The following CCNY variants were observed in gnomAD, a reference collection of about 807,000 sequenced individuals.
The protein encoded by CCNY is cyclin-Y.
A neutral mutation model predicts 42.8 loss-of-function variants in CCNY; 19 were observed. The ratio of observed to expected loss-of-function variants is 0.44; its 90% confidence interval spans 0.31 to 0.65. CCNY has a LOEUF of 0.65. Among genes scored for constraint, CCNY ranks in the 30% least tolerant of loss-of-function variants. The pLI is 0.07. For synonymous variants in CCNY, 165 were observed against 162.7 expected (o/e 1.01, Z -0.11); for missense variants, 370 against 437.3 (o/e 0.85, Z 1.37).
intron 8 of CCNY, among the ~76,000 whole-genome samples, chr10:35,560,008 A>G (rs1325247852): frequency 2.1e-5 from 3 of 145,802 alleles, no homozygotes; most frequent in East Asian, 1.9e-4. Context: ...TTTTGGAAGG[A>G]AAGGGGATGC....
At chr10:35,541,312 TATA>T (rs1213149143) in intron 7 of CCNY, among the ~76,000 whole-genome samples, 1 of 152,182 alleles carries the variant, frequency 6.6e-6, no homozygotes, top group Non-Finnish European at 1.5e-5. Flanking sequence ...TTTTAACATC[TATA>T]ATATTATAAA....
intron 4 of CCNY, among the ~76,000 whole-genome samples, chr10:35,517,862 T>A (rs1353480027): frequency 6.6e-6 from 1 of 152,094 alleles, no homozygotes; most frequent in Non-Finnish European, 1.5e-5. Flanking sequence ...TGAGGGGAAA[T>A]GGGGTGTGCA....
At chr10:35,447,073 C>T (rs1027840830) in intron 1 of CCNY, among the ~76,000 whole-genome samples, 4 of 152,110 alleles carry the variant, frequency 2.6e-5, no homozygotes, top group Non-Finnish European at 4.4e-5. Flanking sequence ...GTCAGGAGAT[C>T]GAGACCATCC....
At chr10:35,251,136 C>T (rs1046765521) in intron 3 of CCNY, 3 of 152,132 alleles carry the variant, frequency 2.0e-5, no homozygotes, top group African/African-American at 7.2e-5. Flanking sequence ...GTAGCTCACA[C>T]CTGAAATCTC....
rs542674942 is a variant in CCNY, at chr10:35,559,649, G to A, written c.747-6374G>A. Among the ~76,000 whole-genome samples the A allele has an allele frequency of 2.0e-5, 3 of 152,314 alleles. No individual in the cohort carries two copies. In the East Asian group the frequency reaches 5.8e-4, roughly 29 times the overall value. ...AAGCGCTGCCGGCTTGCACCAAAGGGCCCAGAGACAGGACAGGTGAAGCAA... is the reference window on the plus strand; with the variant it reads ...AAGCGCTGCCGGCTTGCACCAAAGGACCCAGAGACAGGACAGGTGAAGCAA... On this transcript the variant is annotated intron_variant, in intron 8 of 9. Transcript: ENST00000374704.
At chr10:35,394,867 CT>C (rs1362945445) in intron 1 of CCNY, 1 of 984,348 alleles carries the variant, frequency 1.0e-6, no homozygotes, top group Non-Finnish European at 1.2e-6. Context: ...GGGCCCTCTC[CT>C]TCTGAATACT....
chr10:35,267,244 G>A lies in CCNY; in HGVS notation c.-9+16618G>A, dbSNP rs149470846. On this transcript the variant is annotated intron_variant, in intron 3 of 11. Transcript: ENST00000374706. Reference sequence around the variant, plus strand: ...GATCACTTGAGCCCAGGAGTTTGCGGTTGCAGTGAGCTATCATTGTGCCAT... The same window carrying A: ...GATCACTTGAGCCCAGGAGTTTGCGATTGCAGTGAGCTATCATTGTGCCAT... Among the ~76,000 whole-genome samples the A allele has an allele frequency of 2.8e-3, 422 of 151,576 alleles. 14 individuals are homozygous for A. The East Asian group carries it at 0.065, about 24-fold the overall frequency.
At position 35,307,774 on chromosome 10, in the gene CCNY, G is replaced by A. The variant is rs979162328; in HGVS notation, c.-9+57148G>A. On this transcript the variant is annotated intron_variant, in intron 3 of 11. Coordinates refer to the CCNY transcript ENST00000374706. ...GATGTGTATATATGTGTGTGTGTGTGTGTGTGTGTGTGTGTGTGTGTGTGT... is the reference window on the plus strand; with the variant it reads ...GATGTGTATATATGTGTGTGTGTGTATGTGTGTGTGTGTGTGTGTGTGTGT... 7.7e-3 allele frequency among the ~76,000 whole-genome samples: 577 copies of A among 75,372 alleles called. 5 individuals are homozygous for A. Among genetic ancestry groups the A allele is most frequent in the African/African-American group, 0.037 (559 of 14,956 alleles). 49.4% of individuals were successfully genotyped at this position (75,372 alleles called of 152,430 possible). A position where few individuals can be genotyped will look rare whatever the true frequency, so the allele number is the denominator to read the frequency against.
In CCNY at chr10:35,570,244, G is replaced by C. The variant is rs949487880; in HGVS notation, c.*1074G>C. 1 of 152,354 alleles carries C rather than the reference G, an allele frequency of 6.6e-6. No homozygotes were observed. The highest frequency in any genetic ancestry group is 2.4e-5 in the African/African-American group (1 of 41,368). 9.4% of individuals were successfully genotyped at this position (152,354 alleles called of 1,614,324 possible). ...CTAAAAGAAAAAGAAAAAAAACAAG[G>C]GTGGGTTGGGTATTCCAGTGGGAAG... On this transcript the variant is annotated 3_prime_UTR_variant, in exon 10 of 10. Coordinates refer to ENST00000374704, the MANE Select transcript of CCNY (RefSeq NM_145012.6).
chr10:35,311,458 C>T (rs112685638), intron 3 of CCNY, among the ~76,000 whole-genome samples: 1 of 152,084 alleles, frequency 6.6e-6, no homozygotes, highest in African/African-American at 2.4e-5. Flanking sequence ...GGGTGGATCA[C>T]CTGAGCCCAG....
At chr10:35,383,504 C>T (rs1214381605) in intron 1 of CCNY, among the ~76,000 whole-genome samples, 1 of 152,124 alleles carries the variant, frequency 6.6e-6, no homozygotes, top group African/African-American at 2.4e-5. Context: ...GACAGAGTTT[C>T]ACCATATTGG....
intron 3 of CCNY, among the ~76,000 whole-genome samples, chr10:35,291,528 CTTTTTTT>C (rs71523373): frequency 2.7e-5 from 3 of 109,326 alleles, no homozygotes; most frequent in Non-Finnish European, 5.5e-5. Flanking sequence ...GTACGACTTC[CTTTTTTT>C]TTTTTTTTTT....
intron 7 of CCNY, among the ~76,000 whole-genome samples, chr10:35,550,479 C>G (rs1402741340): frequency 6.6e-6 from 1 of 152,068 alleles, no homozygotes; most frequent in African/African-American, 2.4e-5. Context: ...GTCTTCCCTC[C>G]CCACTCCTTT....
chr10:35,491,861 G>T (rs968926686), intron 2 of CCNY, among the ~76,000 whole-genome samples: 1 of 151,614 alleles, frequency 6.6e-6, no homozygotes, highest in Admixed American at 6.6e-5. Flanking sequence ...GATCCCACCC[G>T]CCTCGGCCCT....
intron 3 of CCNY, among the ~76,000 whole-genome samples, chr10:35,506,674 C>T (rs534220142): frequency 2.8e-4 from 42 of 152,286 alleles, no homozygotes; most frequent in South Asian, 1.2e-3. Flanking sequence ...GGAATTGCTT[C>T]CCTAGTGCCT....
chr10:35,394,803 T>C (rs1038967127), intron 1 of CCNY: 16 of 982,464 alleles, frequency 1.6e-5, no homozygotes, highest in Non-Finnish European at 1.8e-5. Context: ...CCACACCATA[T>C]TCTCCTGTTT....
At chr10:35,398,730 A>G (rs867635804) in intron 1 of CCNY, among the ~76,000 whole-genome samples, 3 of 152,266 alleles carry the variant, frequency 2.0e-5, no homozygotes. Flanking sequence ...AAAAAACCGT[A>G]AAGTGACCAG....
At chr10:35,295,147 T>A (rs1419746128) in intron 3 of CCNY, among the ~76,000 whole-genome samples, 1 of 151,946 alleles carries the variant, frequency 6.6e-6, no homozygotes, top group Admixed American at 6.6e-5. Context: ...AGTGAGACCC[T>A]GTCTCCAAAA....
chr10:35,553,021 G>A lies in CCNY; in HGVS notation c.582G>A (p.Val194=), dbSNP rs1275648333. 1.9e-6 allele frequency: 3 copies of A among 1,613,472 alleles called. No individual in the cohort carries two copies. Among genetic ancestry groups the A allele is most frequent in the Non-Finnish European group, 2.5e-6 (3 of 1,179,548 alleles). Residue 194 remains valine (V), a splice_region_variant and synonymous_variant, in exon 8 of 10, where the codon GTG becomes GTA. Transcript: ENST00000374704. ...LTAECAIVTL[V]YLERLLTYAE... Reference sequence around the variant, plus strand: ...CTGGCATTGTCTTGTCTTCCCAGGTGTACCTTGAAAGACTTTTAACATACG... The same window carrying A: ...CTGGCATTGTCTTGTCTTCCCAGGTATACCTTGAAAGACTTTTAACATACG...
Sources: allele counts gnomAD v4.1 joint callset (sites outside exome capture counted in the v4.1 genomes callset), GRCh38; gene constraint gnomAD v4.1.1; transcripts MANE v1.5; gene names NCBI Gene and HGNC (gene_info 2026-07-23, HGNC 2026-07-21).